The following PIGX variants were observed in gnomAD, a reference collection of about 807,000 sequenced individuals.
PIGX encodes phosphatidylinositol glycan anchor biosynthesis class X, also known as GPI alpha-1,4-mannosyltransferase I, stabilizing subunit.
PIGX carries 24 observed loss-of-function variants against 28.7 expected under a neutral mutation model. That is an observed-to-expected ratio of 0.84 (90% CI 0.60 to 1.17). PIGX has a LOEUF of 1.17. Ranked by LOEUF, PIGX falls within the 50% of genes most tolerant of loss-of-function variation. PIGX has a pLI of 0.00. For missense variants in PIGX, 305 were observed against 317.8 expected (o/e 0.96, Z 0.31); for synonymous variants, 127 against 121.0 (o/e 1.05, Z -0.33).
At chr3:196,720,036 C>A (rs563882709) in intron 2 of PIGX, among the ~76,000 whole-genome samples, 1 of 152,342 alleles carries the variant, frequency 6.6e-6, no homozygotes, top group African/African-American at 2.4e-5. Flanking sequence ...CTTCGGCCTC[C>A]CGAAGTGTGG....
At chr3:196,721,460 G>A (rs1431833975) in intron 2 of PIGX, 1 of 162,898 alleles carries the variant, frequency 6.1e-6, no homozygotes, top group African/African-American at 2.4e-5. Context: ...CTTGAGACAG[G>A]GTCTTGTCTC....
At chr3:196,716,125 A>G (rs1175954028) in intron 1 of PIGX, among the ~76,000 whole-genome samples, 3 of 152,054 alleles carry the variant, frequency 2.0e-5, no homozygotes, top group African/African-American at 7.2e-5. Flanking sequence ...CAATCCTCCC[A>G]CCTCAAGTGC....
At chr3:196,725,571 G>A (rs181217381) in intron 3 of PIGX, among the ~76,000 whole-genome samples, 10 of 152,280 alleles carry the variant, frequency 6.6e-5, no homozygotes, top group Non-Finnish European at 1.2e-4. Context: ...TGTACCAGAG[G>A]GGAGAGAACG....
chr3:196,722,342 A>G (rs1712356741), intron 2 of PIGX, 73 bp from the exon 3 acceptor site: 8 of 1,067,424 alleles, frequency 7.5e-6, no homozygotes, highest in African/African-American at 1.6e-5. Flanking sequence ...TTTCACTAAT[A>G]GGAATACAGT....
At chr3:196,722,015 G>A (rs141111606) in intron 2 of PIGX, among the ~76,000 whole-genome samples, 140 of 152,296 alleles carry the variant, frequency 9.2e-4, no homozygotes, top group African/African-American at 3.2e-3. Flanking sequence ...GCCTTCCAAA[G>A]TGCTAGGATT....
chr3:196,729,328 G>A lies in PIGX; in HGVS notation c.532+1192G>A, dbSNP rs890469281. Among the ~76,000 whole-genome samples the A allele has an allele frequency of 8.3e-5, 8 of 96,636 alleles. No homozygotes were observed. The East Asian group carries it at 1.2e-3, about 14-fold the overall frequency. 63.4% of individuals were successfully genotyped at this position (96,636 alleles called of 152,430 possible). ...AGCCTGGGTGACAGAGCGAGACTGCGTCTCAAAAAAAAAATAAAATAAAAA... is the reference window on the plus strand; with the variant it reads ...AGCCTGGGTGACAGAGCGAGACTGCATCTCAAAAAAAAAATAAAATAAAAA... On this transcript the variant is annotated intron_variant, in intron 4 of 5. Transcript: ENST00000392391.
chr3:196,726,723 C>T (rs148297915), intron 3 of PIGX: 34 of 455,278 alleles, frequency 7.5e-5, no homozygotes, highest in African/African-American at 5.4e-4. Context: ...GAATAAGGAA[C>T]GAATTTATTG....
intron 3 of PIGX, among the ~76,000 whole-genome samples, chr3:196,727,027 A>G (rs751970306): frequency 3.3e-5 from 5 of 152,218 alleles, no homozygotes. Context: ...GAAAAGGAAC[A>G]ACATGTAAAG....
intron 3 of PIGX, chr3:196,726,655 G>A (rs1169297378): frequency 6.6e-6 from 3 of 456,324 alleles, no homozygotes; most frequent in Non-Finnish European, 1.3e-5. Context: ...CCCTTGTCAG[G>A]AGAAGACTTC....
At position 196,722,399 on chromosome 3, in the gene PIGX, T is replaced by G. The variant is rs1309989332; in HGVS notation, c.177-16T>G. On this transcript the variant is annotated splice_polypyrimidine_tract_variant and intron_variant, in intron 2 of 5. Coordinates refer to ENST00000392391, the MANE Select transcript of PIGX (RefSeq NM_017861.4). ...GTTGAATGAAGAGATTTACTTTCAATGTACTTGTCTTACAGAGACCTTTTA... is the reference window on the plus strand; with the variant it reads ...GTTGAATGAAGAGATTTACTTTCAAGGTACTTGTCTTACAGAGACCTTTTA... The G allele has an allele frequency of 6.3e-7, 1 of 1,586,138 alleles. No individual in the cohort carries two copies. Among genetic ancestry groups the G allele is most frequent in the East Asian group, 2.2e-5 (1 of 44,702 alleles).
Position 196,733,443 on chromosome 3 carries a change from C to T in PIGX, c.634-316C>T, listed in dbSNP as rs1358391190. Among the ~76,000 whole-genome samples, 1 of 151,988 alleles carries T rather than the reference C, an allele frequency of 6.6e-6. No homozygotes were observed. Among genetic ancestry groups the T allele is most frequent in the Non-Finnish European group, 1.5e-5 (1 of 68,008 alleles). On this transcript the variant is annotated intron_variant, in intron 5 of 5. Coordinates refer to ENST00000392391, the MANE Select transcript of PIGX (RefSeq NM_017861.4). This position sits in a 1 kb window ranked among gnomAD's most constrained non-coding sequence, Gnocchi z 4.3. ...TTTATTTATTTGAGACAGAGTCTTC[C>T]TCTGTCTCCCAGGCTGGAGTACAGT...
intron 1 of PIGX, among the ~76,000 whole-genome samples, chr3:196,713,862 A>G (rs9846528): frequency 0.41 from 60,735 of 149,034 alleles, 12,690 homozygotes; most frequent in East Asian, 0.56. Flanking sequence ...AAGGAAAAAG[A>G]AGTCAATTTC....
chr3:196,729,492 C>T (rs938277596), intron 4 of PIGX, among the ~76,000 whole-genome samples: 18 of 151,170 alleles, frequency 1.2e-4, no homozygotes, highest in African/African-American at 2.9e-4. Context: ...CCGCAATCTC[C>T]GCCTCTCCTG....
chr3:196,732,219 TATATA>T (rs1712797163), intron 5 of PIGX, among the ~76,000 whole-genome samples: 6 of 15,740 alleles, frequency 3.8e-4, no homozygotes, highest in Admixed American at 3.6e-3. Flanking sequence ...ATATTATTTA[TATATA>T]TATATATATA....
In PIGX at chr3:196,728,044, C is replaced by G; in HGVS notation, c.440C>G (p.Pro147Arg). The change falls in exon 4 of 6, where the codon CCT (proline) becomes CGT (arginine). Residue 147 changes from proline (P) to arginine (R), a missense_variant. Pro to Arg is a moderately radical substitution (Grantham distance 103, BLOSUM62 -2). Coordinates refer to ENST00000392391, the MANE Select transcript of PIGX (RefSeq NM_017861.4). ...ATTGACTGTTTTCAAGCCTTTTTGCCTGTGCACTGCCGCTATCATCGGCCG... is the reference window on the plus strand; with the variant it reads ...ATTGACTGTTTTCAAGCCTTTTTGCGTGTGCACTGCCGCTATCATCGGCCG... 6.2e-7 allele frequency: 1 copy of G among 1,614,104 alleles called. No homozygotes were observed. Among genetic ancestry groups the G allele is most frequent in the Non-Finnish European group, 8.5e-7 (1 of 1,179,992 alleles).
At chr3:196,732,212 TTATTTATA>T (rs1367697411) in intron 5 of PIGX, among the ~76,000 whole-genome samples, 6 of 52,258 alleles carry the variant, frequency 1.1e-4, no homozygotes, top group African/African-American at 4.1e-4. Flanking sequence ...TATGTATATA[TTATTTATA>T]TATATATATA....
chr3:196,732,308 G>T (rs1712842028), intron 5 of PIGX, among the ~76,000 whole-genome samples: 1 of 118,700 alleles, frequency 8.4e-6, no homozygotes, highest in African/African-American at 3.3e-5. Flanking sequence ...TTGAGACGGA[G>T]TCTCGCTCTG....
At chr3:196,732,304 C>T (rs1289815511) in intron 5 of PIGX, among the ~76,000 whole-genome samples, 2 of 98,698 alleles carry the variant, frequency 2.0e-5, no homozygotes, top group African/African-American at 8.2e-5. Context: ...TTTTTTGAGA[C>T]GGAGTCTCGC....
chr3:196,727,689 G>A (rs1463626), intron 3 of PIGX, among the ~76,000 whole-genome samples: 23,381 of 152,012 alleles, frequency 0.15, 1,961 homozygotes, highest in Non-Finnish European at 0.19. Context: ...GGGAAATTTG[G>A]TACCCTAGAA....
Sources: allele counts gnomAD v4.1 joint callset (sites outside exome capture counted in the v4.1 genomes callset), GRCh38; gene constraint gnomAD v4.1.1; non-coding constraint Gnocchi (gnomAD v3.1); transcripts MANE v1.5; gene names NCBI Gene and HGNC (gene_info 2026-07-23, HGNC 2026-07-21).